The following GREB1 variants were observed in gnomAD, a reference collection of about 807,000 sequenced individuals.
GREB1 encodes the protein growth regulating estrogen receptor binding 1.
A neutral mutation model predicts 200.7 loss-of-function variants in GREB1; 106 were observed. The ratio of observed to expected loss-of-function variants is 0.53; its 90% CI spans 0.45 to 0.62. GREB1 has a LOEUF of 0.62. Ranked by LOEUF, GREB1 falls within the 20% of genes least tolerant of loss-of-function variation. The probability of loss-of-function intolerance (pLI) is 0.00; values close to 1 mark genes in which losing one functional copy is unlikely to be tolerated. For synonymous variants in GREB1, 1,132 were observed against 1,092.4 expected (o/e 1.04, Z -0.72); for missense variants, 2,243 against 2,556.8 (o/e 0.88, Z 2.65).
At chr2:11,556,977 A>G (rs1289782117) in intron 2 of GREB1, among the ~76,000 whole-genome samples, 4 of 152,260 alleles carry the variant, frequency 2.6e-5, no homozygotes, top group Non-Finnish European at 5.9e-5. Flanking sequence ...AAGTAAAATT[A>G]TTCATTGAAT....
At chr2:11,515,260 T>TATGG (rs1197368697) in intron 1 of GREB1, among the ~76,000 whole-genome samples, 1 of 152,140 alleles carries the variant, frequency 6.6e-6, no homozygotes, top group Admixed American at 6.5e-5. Flanking sequence ...TACCAGGTAT[T>TATGG]ATGGCCAGTG....
intron 1 of GREB1, among the ~76,000 whole-genome samples, chr2:11,498,563 C>T (rs1048026641): frequency 2.0e-5 from 3 of 152,116 alleles, no homozygotes; most frequent in Non-Finnish European, 4.4e-5. Flanking sequence ...TTCGGGACAC[C>T]GTGAGTCAGA....
Position 11,562,474 on chromosome 2 carries a change from G to C in GREB1, c.169G>C (p.Val57Leu). 2 of 1,611,948 alleles carry C rather than the reference G, an allele frequency of 1.2e-6. No homozygotes were observed. Among genetic ancestry groups the C allele is most frequent in the Non-Finnish European group, 1.7e-6 (2 of 1,179,020 alleles). Residue 57 changes from valine to leucine, a missense_variant, in exon 3 of 33, where the codon GTG becomes CTG. Around this residue, in one of 3 missense-constraint regions of GREB1, gnomAD observed 1,178 missense variants for 1,387.4 expected, o/e 0.85. Transcript: ENST00000381486. The stretch of plus-strand genomic sequence containing the variant: ...CTTCCCGCATCTAGGTGGTAGCCGA[G>C]TGGACAATGAGGAAGAGGAAGAAGA... Reference protein sequence around the residue: ...QLAALEGGSRVDNEEEEEEGE... With the variant: ...QLAALEGGSRLDNEEEEEEGE...
At chr2:11,498,772 G>A (rs1672953836) in intron 1 of GREB1, among the ~76,000 whole-genome samples, 1 of 152,198 alleles carries the variant, frequency 6.6e-6, no homozygotes, top group East Asian at 1.9e-4. Context: ...TGGTAGGCAC[G>A]GGCATGACTG....
Position 11,595,234 on chromosome 2 carries a change from A to T in GREB1, c.1697-17A>T, listed in dbSNP as rs1181231343. 6.2e-7 allele frequency: 1 copy of T among 1,607,278 alleles called. No homozygotes were observed. ...GGGAAGATACAATGGGTACTGTGAA[A>T]TCTGTTTGCTTTCCAGGAAAATACC... On this transcript the variant is annotated splice_polypyrimidine_tract_variant and intron_variant, in intron 11 of 32. Coordinates refer to ENST00000381486, the MANE Select transcript of GREB1 (RefSeq NM_014668.4).
chr2:11,591,499 A>G (rs953448709), intron 10 of GREB1: 11 of 711,930 alleles, frequency 1.5e-5, no homozygotes, highest in Non-Finnish European at 2.1e-5. Context: ...CTCATCATCA[A>G]AGACATGCAA....
At chr2:11,507,794 C>T (rs979253233) in intron 1 of GREB1, among the ~76,000 whole-genome samples, 2 of 152,194 alleles carry the variant, frequency 1.3e-5, no homozygotes, top group African/African-American at 2.4e-5. Flanking sequence ...CCGACTCTAC[C>T]ATGGAGTCCT....
chr2:11,483,815 A>C (rs1208536701), intron 1 of GREB1, among the ~76,000 whole-genome samples: 1 of 1,212 alleles, frequency 8.3e-4, no homozygotes, highest in African/African-American at 9.7e-4. Flanking sequence ...TTTTGCTGTC[A>C]ACTCTCTTTG....
At chr2:11,487,379 C>T (rs930680222) in intron 1 of GREB1, among the ~76,000 whole-genome samples, 1 of 152,188 alleles carries the variant, frequency 6.6e-6, no homozygotes. Context: ...CACTGTTCAA[C>T]CCCGTAGGAC....
Position 11,593,144 on chromosome 2 carries a change from C to A in GREB1, c.1696+18C>A. ...CGTCACCGGTGAGCTCTGGGCCGCG[C>A]GGCTGCGGGAAAGCCCCCTGAACGG... On this transcript the variant is annotated intron_variant, in intron 11 of 32. Transcript: ENST00000381486. 6.6e-7 allele frequency: 1 copy of A among 1,523,152 alleles called. No homozygotes were observed. The highest frequency in any genetic ancestry group is 1.4e-5 in the African/African-American group (1 of 71,840). The allele number at this position is 1,523,152 out of a possible 1,614,324, so 94.4% of individuals were successfully genotyped here.
At chr2:11,595,033 A>T (rs1681085618) in intron 11 of GREB1, among the ~76,000 whole-genome samples, 1 of 140,144 alleles carries the variant, frequency 7.1e-6, no homozygotes, top group Non-Finnish European at 1.5e-5. Flanking sequence ...CCTTGATGTG[A>T]GTGGGACTTG....
chr2:11,574,067 G>C (rs991030363), intron 4 of GREB1, among the ~76,000 whole-genome samples: 5 of 152,210 alleles, frequency 3.3e-5, no homozygotes, highest in Admixed American at 6.5e-5. Flanking sequence ...TATCTCAAGC[G>C]TCCCTAAGTT....
At chr2:11,602,615 C>A in intron 17 of GREB1, 73 bp downstream of exon 17, 2 of 1,280,410 alleles carry the variant, frequency 1.6e-6, no homozygotes, top group South Asian at 1.2e-5. Flanking sequence ...GTTTAGCCAG[C>A]CAGGGAATTC....
At chr2:11,512,545 T>G (rs1056518341) in intron 1 of GREB1, among the ~76,000 whole-genome samples, 1 of 152,160 alleles carries the variant, frequency 6.6e-6, no homozygotes, top group Admixed American at 6.5e-5. Flanking sequence ...AAAAAATGAC[T>G]TGTGTGTGTT....
intron 1 of GREB1, among the ~76,000 whole-genome samples, chr2:11,503,027 G>A (rs540749493): frequency 1.3e-5 from 2 of 152,324 alleles, no homozygotes; most frequent in African/African-American, 4.8e-5. Flanking sequence ...GGAGGCTGCT[G>A]CAGAGGTGCC....
At chr2:11,509,010 G>T (rs1056014619) in intron 1 of GREB1, among the ~76,000 whole-genome samples, 1 of 151,684 alleles carries the variant, frequency 6.6e-6, no homozygotes, top group South Asian at 2.1e-4. Context: ...GAGTAGCTGG[G>T]ACTACAGGCG....
chr2:11,621,589 C>A (rs1266365606), intron 23 of GREB1, among the ~76,000 whole-genome samples: 2 of 152,176 alleles, frequency 1.3e-5, no homozygotes, highest in Admixed American at 6.5e-5. Context: ...AATAACCTCC[C>A]CTGTTTCCTC....
intron 23 of GREB1, among the ~76,000 whole-genome samples, chr2:11,623,550 A>G (rs983205412): frequency 1.3e-5 from 2 of 152,182 alleles, no homozygotes; most frequent in Non-Finnish European, 2.9e-5. Flanking sequence ...CTGATGCTGT[A>G]AAGGCTGGGC....
chr2:11,625,507 C>T (rs1572183119), intron 24 of GREB1, among the ~76,000 whole-genome samples, 195 bp downstream of exon 24: 1 of 152,246 alleles, frequency 6.6e-6, no homozygotes, highest in South Asian at 2.1e-4. Flanking sequence ...GAGTGTTGCT[C>T]AGGAAGTGCT....
Sources: allele counts gnomAD v4.1 joint callset (sites outside exome capture counted in the v4.1 genomes callset), GRCh38; gene constraint gnomAD v4.1.1; regional missense constraint gnomAD v4.1.1; transcripts MANE v1.5; gene names NCBI Gene and HGNC (gene_info 2026-07-23, HGNC 2026-07-21).